RPIA: variants seen among roughly 807,000 people sequenced by gnomAD.
The protein encoded by RPIA is ribose 5-phosphate isomerase A.
Under a neutral mutation model 37.8 loss-of-function variants are expected in RPIA, and 29 were observed. The observed-to-expected ratio is 0.77, with a 90% CI of 0.57 to 1.05. The LOEUF (loss-of-function observed/expected upper bound fraction) is 1.05, where lower values mean the gene tolerates loss of function less well. Among genes scored for constraint, RPIA ranks in the 50% least tolerant of loss-of-function variants. RPIA has a pLI of 0.00. For synonymous variants in RPIA, 167 were observed against 157.0 expected (o/e 1.06, Z -0.48); for missense variants, 385 against 413.6 (o/e 0.93, Z 0.60).
At chr2:88,715,927 A>G (rs1362437832) in intron 3 of RPIA, among the ~76,000 whole-genome samples, 1 of 152,204 alleles carries the variant, frequency 6.6e-6, no homozygotes, top group Non-Finnish European at 1.5e-5. Context: ...CCAAGGGAAA[A>G]GTCAAGCTGG....
intron 1 of RPIA, among the ~76,000 whole-genome samples, chr2:88,697,675 G>C (rs1449792577): frequency 6.6e-6 from 1 of 152,186 alleles, no homozygotes; most frequent in Non-Finnish European, 1.5e-5. Context: ...TTGTACTCAG[G>C]AAGTGCTCTG....
chr2:88,733,812 G>A (rs1283659377), intron 4 of RPIA, among the ~76,000 whole-genome samples: 1 of 152,160 alleles, frequency 6.6e-6, no homozygotes. Context: ...TCCATGCAGA[G>A]TACCATGAGT....
intron 3 of RPIA, among the ~76,000 whole-genome samples, chr2:88,707,495 T>A (rs928212830): frequency 2.0e-5 from 3 of 152,170 alleles, no homozygotes; most frequent in Non-Finnish European, 4.4e-5. Context: ...TAATGTTGGG[T>A]GCTCCAAGTT....
At chr2:88,724,018 C>T (rs535488918) in intron 3 of RPIA, among the ~76,000 whole-genome samples, 1 of 152,284 alleles carries the variant, frequency 6.6e-6, no homozygotes, top group Non-Finnish European at 1.5e-5. Context: ...ATGCATTTAT[C>T]ACAGTGAGCA....
chr2:88,742,997 C>T (rs1321296600), intron 8 of RPIA, among the ~76,000 whole-genome samples: 1 of 152,014 alleles, frequency 6.6e-6, no homozygotes, highest in African/African-American at 2.4e-5. Context: ...TGAACAGCAA[C>T]CGTTTGACTT....
At chr2:88,717,652 T>A (rs937902218) in intron 3 of RPIA, among the ~76,000 whole-genome samples, 2 of 152,144 alleles carry the variant, frequency 1.3e-5, no homozygotes, top group African/African-American at 2.4e-5. Context: ...GCCCCAAGAT[T>A]TATTTTCCTT....
chr2:88,708,313 C>T (rs934446137), intron 3 of RPIA, among the ~76,000 whole-genome samples: 3 of 152,156 alleles, frequency 2.0e-5, no homozygotes, highest in East Asian at 1.9e-4. Flanking sequence ...AAATGTGAAT[C>T]CAGGAGTCAG....
At chr2:88,721,107 A>G (rs1673115825) in intron 3 of RPIA, among the ~76,000 whole-genome samples, 1 of 151,988 alleles carries the variant, frequency 6.6e-6, no homozygotes, top group South Asian at 2.1e-4. Flanking sequence ...TAGCAAACTA[A>G]CACAAGAACA....
intron 3 of RPIA, among the ~76,000 whole-genome samples, chr2:88,710,154 C>T (rs1294944862): frequency 1.3e-5 from 2 of 152,168 alleles, no homozygotes; most frequent in African/African-American, 4.8e-5. Context: ...TCAAGCGATC[C>T]TCCTGCCTCA....
intron 3 of RPIA, among the ~76,000 whole-genome samples, chr2:88,700,849 T>C (rs2104076258): frequency 6.6e-6 from 1 of 152,258 alleles, no homozygotes; most frequent in Middle Eastern, 3.4e-3. Context: ...CATCTGGCCA[T>C]TGCAGGGAGG....
At chr2:88,744,814 C>T (rs1250759095) in intron 8 of RPIA, among the ~76,000 whole-genome samples, 1 of 152,148 alleles carries the variant, frequency 6.6e-6, no homozygotes, top group Non-Finnish European at 1.5e-5. Flanking sequence ...AATAGCTACT[C>T]CTGCTTGCTT....
chr2:88,743,890 T>A (rs1005851584), intron 8 of RPIA, among the ~76,000 whole-genome samples: 1 of 152,228 alleles, frequency 6.6e-6, no homozygotes, highest in Non-Finnish European at 1.5e-5. Flanking sequence ...TGAGCTTATT[T>A]GGATCTTCTC....
At chr2:88,726,287 C>G (rs1468352453) in intron 3 of RPIA, among the ~76,000 whole-genome samples, 1 of 152,066 alleles carries the variant, frequency 6.6e-6, no homozygotes, top group Non-Finnish European at 1.5e-5. Context: ...CAAGCTTGTC[C>G]AACTCGTGGC....
chr2:88,738,878 C>G (rs912871136), intron 8 of RPIA, among the ~76,000 whole-genome samples: 1 of 152,138 alleles, frequency 6.6e-6, no homozygotes, highest in Non-Finnish European at 1.5e-5. Context: ...AGATGGGCAC[C>G]CTAAGTTGTC....
intron 3 of RPIA, among the ~76,000 whole-genome samples, chr2:88,706,010 C>A (rs951466667): frequency 2.6e-5 from 4 of 152,090 alleles, no homozygotes; most frequent in Non-Finnish European, 5.9e-5. Flanking sequence ...AATGAGATAC[C>A]ATCTCATGCT....
intron 3 of RPIA, among the ~76,000 whole-genome samples, chr2:88,708,616 T>C (rs1034778952): frequency 3.3e-5 from 5 of 152,242 alleles, no homozygotes; most frequent in African/African-American, 1.2e-4. Flanking sequence ...ATTGCTGTCC[T>C]GTTTCATAGG....
chr2:88,700,827 A>G (rs932876316), intron 3 of RPIA, among the ~76,000 whole-genome samples: 23 of 152,202 alleles, frequency 1.5e-4, no homozygotes, highest in African/African-American at 5.1e-4. Flanking sequence ...GATGGAGCCA[A>G]TTGTCATCCC....
intron 8 of RPIA, among the ~76,000 whole-genome samples, chr2:88,743,520 G>A (rs762288231): frequency 6.6e-6 from 1 of 152,090 alleles, no homozygotes; most frequent in Non-Finnish European, 1.5e-5. Flanking sequence ...GATCTTTCCT[G>A]GTTTTGGTAT....
chr2:88,704,875 AG>A (rs1247538513), intron 3 of RPIA, among the ~76,000 whole-genome samples: 2 of 152,232 alleles, frequency 1.3e-5, no homozygotes, highest in South Asian at 4.1e-4. Context: ...GCAAAGTCTC[AG>A]GATACAAAAT....
Sources: gnomAD v4.1 joint callset for allele counts (sites outside exome capture counted in the v4.1 genomes callset) on GRCh38, gnomAD v4.1.1 for gene constraint, MANE v1.5 for transcripts, NCBI Gene and HGNC (gene_info 2026-07-23, HGNC 2026-07-21) for gene names.